The following NUBPL variants were observed in gnomAD, a reference collection of about 807,000 sequenced individuals.
NUBPL encodes the protein iron-sulfur cluster transfer protein NUBPL.
A neutral mutation model predicts 45.7 loss-of-function variants in NUBPL; 31 were observed. The observed-to-expected ratio is 0.68, with a 90% CI of 0.51 to 0.92. NUBPL has a LOEUF of 0.92. Among genes scored for constraint, NUBPL ranks in the 40% least tolerant of loss-of-function variants. The pLI, the probability that NUBPL is intolerant of heterozygous loss-of-function variation, is 0.00. For missense variants in NUBPL, 401 were observed against 398.7 expected (o/e 1.01, Z -0.05); for synonymous variants, 144 against 140.9 (o/e 1.02, Z -0.15).
chr14:31,823,010 AATGT>A (rs2138954753), intron 7 of NUBPL, among the ~76,000 whole-genome samples: 1 of 152,218 alleles, frequency 6.6e-6, no homozygotes, highest in East Asian at 1.9e-4. Context: ...TTATTTTTTT[AATGT>A]AACAGCTGTT....
rs1408014482 is a variant in NUBPL at position 31,844,646 on chromosome 14, A to AT, written c.694-1825_694-1824insT. 2.3e-4 allele frequency: 29 copies of AT among 128,118 alleles called. 1 individual carries two copies. Among genetic ancestry groups the AT allele is most frequent in the Admixed American group, 2.2e-3 (29 of 12,998 alleles). 7.9% of individuals were successfully genotyped at this position (128,118 alleles called of 1,614,324 possible). ...TATTTCTCTTTTCAGAAAGAATAACAATTTTTTCGCCTTCTTATCTATATG... is the reference window on the plus strand; with the variant it reads ...TATTTCTCTTTTCAGAAAGAATAACATATTTTTTCGCCTTCTTATCTATATG... On this transcript the variant is annotated intron_variant, in intron 8 of 10. Transcript: ENST00000281081.
chr14:31,798,821 ATTATC>A (rs1392932360), intron 7 of NUBPL, among the ~76,000 whole-genome samples: 7 of 149,542 alleles, frequency 4.7e-5, no homozygotes, highest in Non-Finnish European at 1.0e-4. Flanking sequence ...AAAAAAAGAA[ATTATC>A]TTATTTACTT....
intron 6 of NUBPL, among the ~76,000 whole-genome samples, chr14:31,784,499 A>G (rs1375599394): frequency 6.6e-6 from 1 of 152,168 alleles, no homozygotes; most frequent in African/African-American, 2.4e-5. Context: ...AAGAAGGCTA[A>G]TCTGTAATCA....
intron 6 of NUBPL, among the ~76,000 whole-genome samples, chr14:31,739,406 A>T (rs903753843): frequency 6.6e-6 from 1 of 151,650 alleles, no homozygotes; most frequent in Non-Finnish European, 1.5e-5. Flanking sequence ...TTTTGAAAAT[A>T]TGTTGGTCAG....
chr14:31,666,263 A>ATATATATATT, intron 4 of NUBPL, among the ~76,000 whole-genome samples: 1 of 111,874 alleles, frequency 8.9e-6, no homozygotes, highest in African/African-American at 3.1e-5. Context: ...ATATATATAT[A>ATATATATATT]ATTTTATTTT....
At chr14:31,847,096 A>G (rs2040465731) in intron 9 of NUBPL, among the ~76,000 whole-genome samples, 1 of 152,194 alleles carries the variant, frequency 6.6e-6, no homozygotes, top group East Asian at 1.9e-4. Context: ...CAACTATGAT[A>G]ATTTCTATTT....
chr14:31,810,298 C>T (rs1421957475), intron 7 of NUBPL, among the ~76,000 whole-genome samples: 5 of 152,110 alleles, frequency 3.3e-5, no homozygotes, highest in Non-Finnish European at 7.3e-5. Context: ...AATCTGGGTG[C>T]TCCTGTATTG....
intron 3 of NUBPL, among the ~76,000 whole-genome samples, chr14:31,568,018 T>C (rs8018529): frequency 0.16 from 23,753 of 152,152 alleles, 5,260 homozygotes; most frequent in African/African-American, 0.5. Flanking sequence ...ACTATTTTGT[T>C]TCCTTGTCAT....
chr14:31,561,949 G>A (rs1352641000), intron 1 of NUBPL, 119 bp from the exon 2 acceptor site: 1 of 941,232 alleles, frequency 1.1e-6, no homozygotes, highest in Non-Finnish European at 1.6e-6. Context: ...TAGTGAAGAT[G>A]AGCAGAATTA....
At chr14:31,798,241 G>A (rs376406480) in intron 7 of NUBPL, among the ~76,000 whole-genome samples, 3 of 150,188 alleles carry the variant, frequency 2.0e-5, no homozygotes, top group African/African-American at 7.3e-5. Context: ...TCAAGGAAAC[G>A]TGCATTTTAT....
At chr14:31,748,278 T>A (rs1200746090) in intron 6 of NUBPL, among the ~76,000 whole-genome samples, 1 of 152,242 alleles carries the variant, frequency 6.6e-6, no homozygotes, top group African/African-American at 2.4e-5. Context: ...ATTCTGCAGC[T>A]GTTGAATGAA....
At chr14:31,808,889 C>G (rs1329195191) in intron 7 of NUBPL, among the ~76,000 whole-genome samples, 1 of 152,104 alleles carries the variant, frequency 6.6e-6, no homozygotes, top group Non-Finnish European at 1.5e-5. Flanking sequence ...TGGTTTTTCT[C>G]TTTCGTTCTG....
intron 4 of NUBPL, among the ~76,000 whole-genome samples, chr14:31,637,665 ATCTG>A (rs1235526056): frequency 6.6e-6 from 1 of 152,182 alleles, no homozygotes; most frequent in African/African-American, 2.4e-5. Flanking sequence ...TGTCTCATTG[ATCTG>A]TCTAATGTTG....
In NUBPL at chr14:31,651,550, G is replaced by T. The variant is rs183649140; in HGVS notation, c.383-21805G>T. On this transcript the variant is annotated intron_variant, in intron 4 of 10. Coordinates refer to ENST00000281081, the MANE Select transcript of NUBPL (RefSeq NM_025152.3). ...TTTTTAAACCACACATCTGATAAAG[G>T]GTTAATATCCAAAATATTTAAGAAA... Among the ~76,000 whole-genome samples the T allele has an allele frequency of 1.1e-4, 16 of 152,154 alleles. No homozygotes were observed. The East Asian group carries it at 2.1e-3, about 20-fold the overall frequency.
At chr14:31,828,719 C>T (rs763699037) in intron 8 of NUBPL, among the ~76,000 whole-genome samples, 1 of 152,094 alleles carries the variant, frequency 6.6e-6, no homozygotes, top group Non-Finnish European at 1.5e-5. Context: ...GTCTAATGAC[C>T]GTAGTTGCCA....
chr14:31,839,986 C>G (rs375460751), intron 8 of NUBPL, among the ~76,000 whole-genome samples: 50 of 152,212 alleles, frequency 3.3e-4, no homozygotes, highest in African/African-American at 7.0e-4. Flanking sequence ...AAAAGGGAAC[C>G]CTTGCACCCT....
At chr14:31,692,602 T>C (rs761597636) in intron 6 of NUBPL, among the ~76,000 whole-genome samples, 1 of 152,248 alleles carries the variant, frequency 6.6e-6, no homozygotes, top group East Asian at 1.9e-4. Context: ...GTTGGTTGTT[T>C]CCTAGCAACT....
intron 4 of NUBPL, among the ~76,000 whole-genome samples, chr14:31,647,756 G>T (rs1005930219): frequency 6.6e-6 from 1 of 152,206 alleles, no homozygotes; most frequent in Admixed American, 6.5e-5. Context: ...GGCTGGGACA[G>T]ATCTTCTGCC....
At chr14:31,695,379 C>A (rs1030895073) in intron 6 of NUBPL, among the ~76,000 whole-genome samples, 26 of 144,392 alleles carry the variant, frequency 1.8e-4, no homozygotes, top group Non-Finnish European at 3.1e-4. Context: ...GCTACTGGAG[C>A]TATCTAAGAC....
Sources: gnomAD v4.1 joint callset for allele counts (sites outside exome capture counted in the v4.1 genomes callset) on GRCh38, gnomAD v4.1.1 for gene constraint, MANE v1.5 for transcripts, NCBI Gene and HGNC (gene_info 2026-07-23, HGNC 2026-07-21) for gene names.